Variants in RNF213 observed in about 807,000 individuals in gnomAD.
RNF213 encodes ring finger protein 213.
A neutral mutation model predicts 514.4 loss-of-function variants in RNF213; 341 were observed. The ratio of observed to expected loss-of-function variants is 0.66; its 90% CI spans 0.61 to 0.73. The LOEUF (loss-of-function observed/expected upper bound fraction) is 0.73. RNF213 is among the 30% of genes least tolerant of loss of function. RNF213 has a pLI of 0.00. For synonymous variants in RNF213, 2,655 were observed against 2,658.2 expected (o/e 1.00, Z 0.04); for missense variants, 5,767 against 6,615.6 (o/e 0.87, Z 4.45).
intron 28 of RNF213, 38 bp downstream of exon 28, chr17:80,344,053 C>T: frequency 2.5e-6 from 4 of 1,600,102 alleles, no homozygotes; most frequent in Admixed American, 1.7e-5. Context: ...GCGTGGGGGG[C>T]TCTTGGGTTC....
At position 80,354,068 on chromosome 17, in the gene RNF213, C is replaced by T. The variant is rs1298137973; in HGVS notation, c.10628C>T (p.Ala3543Val). The change falls in exon 35 of 68, where the codon GCC becomes GTC. Residue 3543 changes from alanine to valine, a missense_variant. Physicochemically the swap from Ala to Val is moderately conservative, Grantham distance 64. Coordinates refer to ENST00000582970, the MANE Select transcript of RNF213 (RefSeq NM_001256071.3). ...TRLLRSCVQS[A>V]VGMLRDQNES... is the part of the protein sequence containing the mutation. Reference sequence around the variant, plus strand: ...CTGCTGAGAAGCTGTGTGCAGAGCGCCGTGGGCATGCTCAGAGACCAGAAC... The same window carrying T: ...CTGCTGAGAAGCTGTGTGCAGAGCGTCGTGGGCATGCTCAGAGACCAGAAC... 6.2e-7 allele frequency: 1 copy of T among 1,614,054 alleles called. No individual in the cohort carries two copies. The highest frequency in any genetic ancestry group is 1.1e-5 in the South Asian group (1 of 91,086).
chr17:80,315,897 G>A (rs1599006064), intron 15 of RNF213, among the ~76,000 whole-genome samples: 1 of 50,852 alleles, frequency 2.0e-5, no homozygotes, highest in Non-Finnish European at 4.5e-5. Context: ...TGGTGGTGAA[G>A]GTGATGGTGG....
At chr17:80,333,063 T>A (rs1462243784) in intron 21 of RNF213, among the ~76,000 whole-genome samples, 1 of 151,752 alleles carries the variant, frequency 6.6e-6, no homozygotes, top group Non-Finnish European at 1.5e-5. Flanking sequence ...GCTTTTTTTT[T>A]TTTGAGATGG....
At chr17:80,272,378 T>C (rs184370754) in intron 2 of RNF213, among the ~76,000 whole-genome samples, 73 of 152,360 alleles carry the variant, frequency 4.8e-4, no homozygotes, top group African/African-American at 1.7e-3. Flanking sequence ...GGCCTGGCCC[T>C]GATGTCTGGT....
chr17:80,275,299 T>C (rs868208514), intron 3 of RNF213, among the ~76,000 whole-genome samples: 3 of 151,766 alleles, frequency 2.0e-5, no homozygotes, highest in African/African-American at 7.3e-5. Flanking sequence ...TGCGGAAGGT[T>C]TGGGTAACTC....
intron 67 of RNF213, among the ~76,000 whole-genome samples, chr17:80,391,238 T>A (rs1451919602): frequency 6.6e-6 from 1 of 152,232 alleles, no homozygotes; most frequent in Non-Finnish European, 1.5e-5. Context: ...GTTTTTTATA[T>A]TTATCACCCA....
At chr17:80,261,510 G>C (rs578191065) in intron 1 of RNF213, among the ~76,000 whole-genome samples, 1 of 152,336 alleles carries the variant, frequency 6.6e-6, no homozygotes, top group Admixed American at 6.5e-5. Flanking sequence ...CAGGGCGGGA[G>C]GGGAAGGAGC....
chr17:80,393,873 T>G lies in RNF213; in HGVS notation c.*375T>G. 4.1e-6 allele frequency: 1 copy of G among 242,694 alleles called. No individual in the cohort carries two copies. The highest frequency in any genetic ancestry group is 8.2e-6 in the Non-Finnish European group (1 of 121,702). 15.0% of individuals were successfully genotyped at this position (242,694 alleles called of 1,614,324 possible). A position where few individuals can be genotyped will look rare whatever the true frequency, so the allele number is the denominator to read the frequency against. ...CCTCTGGCACTGCCCACCCCTCTTT[T>G]TTTTTTTCTTCTAATTCTGTACTCA... On this transcript the variant is annotated 3_prime_UTR_variant, in exon 68 of 68. Coordinates refer to ENST00000582970, the MANE Select transcript of RNF213 (RefSeq NM_001256071.3).
intron 39 of RNF213, 115 bp downstream of exon 39, chr17:80,362,003 A>G: frequency 7.9e-7 from 1 of 1,270,942 alleles, no homozygotes; most frequent in South Asian, 1.2e-5. Flanking sequence ...AAGTCTGGGA[A>G]CAGAACATGG....
intron 65 of RNF213, 99 bp downstream of exon 65, chr17:80,389,466 CT>C: frequency 9.3e-7 from 1 of 1,072,656 alleles, no homozygotes; most frequent in South Asian, 1.3e-5. Context: ...ACTCTAGGCG[CT>C]CCTGAAAAGG....
intron 42 of RNF213, chr17:80,364,862 G>T (rs2079198674): frequency 2.6e-6 from 1 of 389,030 alleles, no homozygotes; most frequent in Non-Finnish European, 4.9e-6. Flanking sequence ...CCTGGCCTTT[G>T]GAGTGACCCC....
At chr17:80,290,973 T>C (rs1425106670) in intron 7 of RNF213, among the ~76,000 whole-genome samples, 3 of 152,074 alleles carry the variant, frequency 2.0e-5, no homozygotes, top group Non-Finnish European at 4.4e-5. Flanking sequence ...CACGCCTGGC[T>C]AATTTTTGTA....
intron 3 of RNF213, among the ~76,000 whole-genome samples, chr17:80,281,152 C>T (rs1465327759): frequency 8.0e-6 from 1 of 124,874 alleles, no homozygotes; most frequent in African/African-American, 3.0e-5. Flanking sequence ...ACTCACACCA[C>T]TCACACACAC....
chr17:80,295,567 A>AC lies in RNF213; in HGVS notation c.1768dup (p.Leu590ProfsTer30). 6.2e-7 allele frequency: 1 copy of AC among 1,614,186 alleles called. No individual in the cohort carries two copies. Among genetic ancestry groups the AC allele is most frequent in the African/African-American group, 1.3e-5 (1 of 75,060 alleles). ...TTCTCCCACCATCAGGTGAAGAGAT[A>AC]CCTGTGGCAACATCTGAAAAAACAC... On this transcript the variant is annotated frameshift_variant, in exon 10 of 68. Transcript: ENST00000582970. LOFTEE classifies it high-confidence loss of function.
Position 80,334,206 on chromosome 17 carries a change from C to T in RNF213, c.4245C>T (p.Cys1415=), listed in dbSNP as rs746082394. 31 of 1,537,224 alleles carry T rather than the reference C, an allele frequency of 2.0e-5. No homozygotes were observed. In the South Asian group the frequency reaches 3.3e-4, roughly 17 times the overall value. The change falls in exon 22 of 68, where the codon TGC becomes TGT. Residue 1415 remains cysteine (C), a synonymous_variant. Coordinates refer to ENST00000582970, the MANE Select transcript of RNF213 (RefSeq NM_001256071.3). ...KLLQDISEAR[C]KGLQALSLRK... The stretch of plus-strand genomic sequence containing the variant: ...TCCAGGACATCAGCGAGGCCCGGTG[C>T]AAGGGGCTGCAGGCTCTGTCCCTGA...
At chr17:80,274,918 TGTGAGTGGG>T (rs2043987938) in intron 3 of RNF213, among the ~76,000 whole-genome samples, 1 of 34,114 alleles carries the variant, frequency 2.9e-5, no homozygotes, top group Non-Finnish European at 5.4e-5. Flanking sequence ...GTGAGTGGGG[TGTGAGTGGG>T]GTGTGTGTGT....
intron 11 of RNF213, 163 bp downstream of exon 11, chr17:80,298,681 T>C (rs1304481875): frequency 2.5e-6 from 2 of 793,766 alleles, no homozygotes; most frequent in African/African-American, 3.4e-5. Flanking sequence ...CTGTCAAGAA[T>C]AGGCTGTGCA....
At position 80,336,147 on chromosome 17, in the gene RNF213, C is replaced by A; in HGVS notation, c.4310-14C>A. On this transcript the variant is annotated splice_polypyrimidine_tract_variant and intron_variant, in intron 22 of 67. Transcript: ENST00000582970. ...GAATAGTCCCACGCTGAACTCCCCTCTTCTCTTCCCCAGGCATCAATGAGC... is the reference window on the plus strand; with the variant it reads ...GAATAGTCCCACGCTGAACTCCCCTATTCTCTTCCCCAGGCATCAATGAGC... 2 of 1,535,752 alleles carry A rather than the reference C, an allele frequency of 1.3e-6. No homozygotes were observed. The highest frequency in any genetic ancestry group is 1.7e-6 in the Non-Finnish European group (2 of 1,145,630).
intron 12 of RNF213, among the ~76,000 whole-genome samples, 195 bp downstream of exon 12, chr17:80,306,663 A>G (rs2045369676): frequency 6.6e-6 from 1 of 152,112 alleles, no homozygotes; most frequent in Non-Finnish European, 1.5e-5. Context: ...CATCCTGGCT[A>G]ACACAGTGAA....
Sources: allele counts gnomAD v4.1 joint callset (sites outside exome capture counted in the v4.1 genomes callset), GRCh38; gene constraint gnomAD v4.1.1; transcripts MANE v1.5; gene names NCBI Gene and HGNC (gene_info 2026-07-23, HGNC 2026-07-21).